Variants in CEP112 observed in about 807,000 individuals in gnomAD.
CEP112 encodes centrosomal protein of 112 kDa.
In CEP112, 127 loss-of-function variants were observed where a neutral mutation model predicts 153.0. The ratio of observed to expected loss-of-function variants is 0.83; its 90% CI spans 0.72 to 0.96. CEP112 has a LOEUF of 0.96. Among genes scored for constraint, CEP112 ranks in the 40% least tolerant of loss-of-function variants. The pLI, the probability that CEP112 is intolerant of heterozygous loss-of-function variation, is 0.00. For missense variants in CEP112, 1,089 were observed against 1,101.2 expected, an observed-to-expected ratio of 0.99 and a Z score of 0.16; for synonymous variants, 358 against 374.4, an observed-to-expected ratio of 0.96 and a Z score of 0.51.
intron 21 of CEP112, among the ~76,000 whole-genome samples, chr17:65,830,686 A>G (rs990712213): frequency 1.1e-4 from 16 of 152,218 alleles, no homozygotes; most frequent in Admixed American, 9.8e-4. Flanking sequence ...AGATTTTTCC[A>G]CAAACCCCAA....
At chr17:65,905,530 A>T (rs2060038829) in intron 19 of CEP112, among the ~76,000 whole-genome samples, 1 of 152,228 alleles carries the variant, frequency 6.6e-6, no homozygotes, top group African/African-American at 2.4e-5. Context: ...ACCACTGTGG[A>T]AGACAGTGTG....
chr17:66,096,969 G>A (rs1314669806), intron 6 of CEP112, among the ~76,000 whole-genome samples: 1 of 152,064 alleles, frequency 6.6e-6, no homozygotes, highest in African/African-American at 2.4e-5. Flanking sequence ...TCTCATGCCT[G>A]TCCACCTCTG....
intron 19 of CEP112, among the ~76,000 whole-genome samples, chr17:65,923,204 T>G (rs2060795694): frequency 4.6e-5 from 7 of 152,216 alleles, no homozygotes; most frequent in Admixed American, 4.6e-4. Context: ...GCTTTTGCAG[T>G]TAGAAAGTCT....
At chr17:65,969,741 C>A (rs930564812) in intron 17 of CEP112, among the ~76,000 whole-genome samples, 7 of 152,162 alleles carry the variant, frequency 4.6e-5, no homozygotes, top group Admixed American at 3.3e-4. Flanking sequence ...TGCATGCATA[C>A]ACTACACGAA....
intron 19 of CEP112, among the ~76,000 whole-genome samples, chr17:65,907,540 G>T (rs1368718574): frequency 6.6e-6 from 1 of 152,106 alleles, no homozygotes; most frequent in South Asian, 2.1e-4. Flanking sequence ...AGGCTTGTCT[G>T]CTAAGTCCAA....
intron 11 of CEP112, among the ~76,000 whole-genome samples, chr17:66,058,337 G>T (rs2066786241): frequency 6.6e-6 from 1 of 151,920 alleles, no homozygotes; most frequent in African/African-American, 2.4e-5. Context: ...ACAAAAATAT[G>T]CCAAATTTAT....
intron 18 of CEP112, among the ~76,000 whole-genome samples, chr17:65,928,928 C>T (rs1381262228): frequency 6.6e-6 from 1 of 152,158 alleles, no homozygotes; most frequent in African/African-American, 2.4e-5. Flanking sequence ...TGAGCCTTGA[C>T]AGCATTAAGC....
chr17:66,076,912 G>A (rs1284376067), intron 8 of CEP112, among the ~76,000 whole-genome samples: 1 of 152,164 alleles, frequency 6.6e-6, no homozygotes, highest in Admixed American at 6.5e-5. Context: ...CCAGCCCGGA[G>A]CCAGGTAGAC....
intron 21 of CEP112, among the ~76,000 whole-genome samples, chr17:65,791,390 A>T (rs368891673): frequency 3.3e-5 from 5 of 152,192 alleles, no homozygotes; most frequent in East Asian, 3.9e-4. Context: ...CAGGAATCTG[A>T]TTTAAAAGCT....
At chr17:65,917,510 G>A (rs1463932822) in intron 19 of CEP112, among the ~76,000 whole-genome samples, 2 of 152,052 alleles carry the variant, frequency 1.3e-5, no homozygotes, top group Non-Finnish European at 2.9e-5. Flanking sequence ...TTTCTACTTG[G>A]ATCAGTCTTG....
chr17:65,718,234 C>T (rs1030115576), intron 23 of CEP112, among the ~76,000 whole-genome samples: 1 of 151,800 alleles, frequency 6.6e-6, no homozygotes, highest in African/African-American at 2.4e-5. Flanking sequence ...GGTGAAACCC[C>T]GTCTCTACTA....
At chr17:65,757,547 T>C (rs1001057604) in intron 21 of CEP112, among the ~76,000 whole-genome samples, 5 of 152,212 alleles carry the variant, frequency 3.3e-5, no homozygotes, top group Non-Finnish European at 7.3e-5. Flanking sequence ...CAATGCTGAA[T>C]TTAAAATGAG....
chr17:65,967,732 C>G (rs1474455024), intron 17 of CEP112, among the ~76,000 whole-genome samples: 1 of 152,012 alleles, frequency 6.6e-6, no homozygotes, highest in African/African-American at 2.4e-5. Context: ...AAGTTTTAAA[C>G]AGTTTAAAGT....
intron 14 of CEP112, among the ~76,000 whole-genome samples, chr17:66,028,874 C>T (rs1568400972): frequency 6.6e-6 from 1 of 151,698 alleles, no homozygotes; most frequent in Non-Finnish European, 1.5e-5. Flanking sequence ...CCTTTTAAGA[C>T]TGGCACTTAA....
intron 24 of CEP112, among the ~76,000 whole-genome samples, chr17:65,643,507 G>C (rs1355905110): frequency 6.6e-6 from 1 of 151,318 alleles, no homozygotes; most frequent in Non-Finnish European, 1.5e-5. Flanking sequence ...CACCTTGTAG[G>C]CTAGGCTGGT....
intron 8 of CEP112, among the ~76,000 whole-genome samples, chr17:66,089,571 C>T (rs1414268335): frequency 6.6e-6 from 1 of 151,784 alleles, no homozygotes; most frequent in Non-Finnish European, 1.5e-5. Flanking sequence ...CTGAATTGAT[C>T]AAGCAAAAGA....
chr17:65,969,054 T>C (rs1230044859), intron 17 of CEP112, among the ~76,000 whole-genome samples: 1 of 149,100 alleles, frequency 6.7e-6, no homozygotes, highest in Non-Finnish European at 1.5e-5. Flanking sequence ...AGACATTATA[T>C]CAGTTTTTTG....
intron 12 of CEP112, among the ~76,000 whole-genome samples, chr17:66,050,591 C>G (rs2066397616): frequency 6.6e-6 from 1 of 152,144 alleles, no homozygotes; most frequent in African/African-American, 2.4e-5. Context: ...GTCGTATTAT[C>G]AAATATCTAC....
rs2072499818 is a variant in CEP112 at position 66,176,891 on chromosome 17, A to G, written c.236T>C (p.Leu79Pro). The change falls in exon 3 of 27, where the codon CTT becomes CCT. Residue 79 changes from leucine to proline, a missense_variant. Leu to Pro is a moderately conservative substitution (Grantham distance 98, BLOSUM62 -3). Transcript: ENST00000535342. ...LLLHMLKRGALEGPFTHRPEP... is the reference protein window; with the variant it reads ...LLLHMLKRGAPEGPFTHRPEP... Reference sequence around the variant, plus strand: ...AGGTCGGTGTGTAAAAGGGCCTTCAAGCGCACCTCGTTTAAGCATATGCAA... The same window carrying G: ...AGGTCGGTGTGTAAAAGGGCCTTCAGGCGCACCTCGTTTAAGCATATGCAA... 6.2e-7 allele frequency: 1 copy of G among 1,613,886 alleles called. No individual in the cohort carries two copies. The highest frequency in any genetic ancestry group is 1.1e-5 in the South Asian group (1 of 91,042).
Sources: gnomAD v4.1 joint callset for allele counts (sites outside exome capture counted in the v4.1 genomes callset) on GRCh38, gnomAD v4.1.1 for gene constraint, MANE v1.5 for transcripts, NCBI Gene and HGNC (gene_info 2026-07-23, HGNC 2026-07-21) for gene names.